The following ARB2A variants were observed in gnomAD, a reference collection of about 807,000 sequenced individuals.
ARB2A encodes the protein ARB2 cotranscriptional regulator A.
chr5:94,048,930 A>C, the ARB2A span, among the ~76,000 whole-genome samples: 1 of 152,206 alleles, frequency 6.6e-6, no homozygotes, highest in Admixed American at 6.5e-5. Flanking sequence ...GCAGGAGATC[A>C]AAGAATTGTC....
At chr5:93,894,022 C>T in the ARB2A span, among the ~76,000 whole-genome samples, 1 of 152,130 alleles carries the variant, frequency 6.6e-6, no homozygotes, top group Non-Finnish European at 1.5e-5. Context: ...TAGACAAACA[C>T]TTAATAGTAT....
chr5:94,048,952 G>T, the ARB2A span, among the ~76,000 whole-genome samples: 1 of 152,070 alleles, frequency 6.6e-6, no homozygotes, highest in Non-Finnish European at 1.5e-5. Context: ...CCCAGGAAAT[G>T]ATATATTCTT....
At chr5:93,786,936 T>C in the ARB2A span, among the ~76,000 whole-genome samples, 1 of 152,096 alleles carries the variant, frequency 6.6e-6, no homozygotes, top group Admixed American at 6.6e-5. Context: ...TTCTATAATA[T>C]GGTCTATAAC....
At chr5:93,798,781 C>T in the ARB2A span, among the ~76,000 whole-genome samples, 1 of 152,130 alleles carries the variant, frequency 6.6e-6, no homozygotes, top group East Asian at 1.9e-4. Context: ...CTCTATGCTA[C>T]AGTGCACTAC....
At chr5:93,706,967 GATATGATCAT>G in the ARB2A span, among the ~76,000 whole-genome samples, 2 of 151,934 alleles carry the variant, frequency 1.3e-5, no homozygotes, top group African/African-American at 2.4e-5. Flanking sequence ...TTAAACACTG[GATATGATCAT>G]AAGAGCTCTT....
At chr5:94,035,196 C>CATACATATAGAT in the ARB2A span, among the ~76,000 whole-genome samples, 1 of 129,630 alleles carries the variant, frequency 7.7e-6, no homozygotes, top group Non-Finnish European at 1.6e-5. Flanking sequence ...GGATCTTATA[C>CATACATATAGAT]ATACATATAC....
At chr5:94,098,537 C>T in the ARB2A span, among the ~76,000 whole-genome samples, 22 of 152,152 alleles carry the variant, frequency 1.4e-4, no homozygotes, top group East Asian at 4.1e-3. Context: ...AAACTAGAAA[C>T]ATCCCAAATT....
At chr5:93,631,047 G>C in the ARB2A span, among the ~76,000 whole-genome samples, 2 of 151,948 alleles carry the variant, frequency 1.3e-5, no homozygotes, top group East Asian at 3.9e-4. Context: ...CGTGCACCTG[G>C]CTAATTTTTC....
At chr5:93,629,416 G>A in the ARB2A span, among the ~76,000 whole-genome samples, 16 of 151,854 alleles carry the variant, frequency 1.1e-4, 1 homozygote, top group East Asian at 2.9e-3. Context: ...TTTTTGAAAG[G>A]GCGGTAACAG....
chr5:93,957,635 T>G, the ARB2A span, among the ~76,000 whole-genome samples: 1 of 151,874 alleles, frequency 6.6e-6, no homozygotes, highest in Middle Eastern at 3.4e-3. Flanking sequence ...CCACAAAAAG[T>G]GGGAAAAAAA....
chr5:93,780,935 C>G, the ARB2A span, among the ~76,000 whole-genome samples: 5 of 151,908 alleles, frequency 3.3e-5, no homozygotes, highest in Non-Finnish European at 5.9e-5. Context: ...ATTACTTAAC[C>G]TTTGTTCTGT....
the ARB2A span, among the ~76,000 whole-genome samples, chr5:93,877,322 T>G: frequency 6.6e-6 from 1 of 152,186 alleles, no homozygotes; most frequent in Non-Finnish European, 1.5e-5. Context: ...TAACTGACCT[T>G]CCTTGATTTA....
the ARB2A span, among the ~76,000 whole-genome samples, chr5:93,727,213 A>T: frequency 6.6e-6 from 1 of 152,110 alleles, no homozygotes; most frequent in African/African-American, 2.4e-5. Flanking sequence ...CAATGTATTC[A>T]TAAACAACTG....
the ARB2A span, among the ~76,000 whole-genome samples, chr5:93,896,769 T>C: frequency 6.6e-6 from 1 of 152,046 alleles, no homozygotes; most frequent in African/African-American, 2.4e-5. Flanking sequence ...TGGTTCCCAA[T>C]ACAAAATGAC....
At chr5:93,854,010 T>A in the ARB2A span, among the ~76,000 whole-genome samples, 66 of 152,194 alleles carry the variant, frequency 4.3e-4, no homozygotes, top group African/African-American at 1.6e-3. Context: ...TTCTATTGAT[T>A]GGAGTAGTTT....
the ARB2A span, among the ~76,000 whole-genome samples, chr5:93,825,819 T>C: frequency 6.6e-6 from 1 of 151,802 alleles, no homozygotes; most frequent in Non-Finnish European, 1.5e-5. Flanking sequence ...CATAGTTAGA[T>C]GTGAAAATAT....
At chr5:93,647,568 G>A in the ARB2A span, among the ~76,000 whole-genome samples, 9 of 152,058 alleles carry the variant, frequency 5.9e-5, no homozygotes, top group East Asian at 5.8e-4. Flanking sequence ...ATGAAGTCTC[G>A]CTCTGTCACC....
chr5:94,011,738 T>C, the ARB2A span, among the ~76,000 whole-genome samples: 3 of 151,810 alleles, frequency 2.0e-5, no homozygotes, highest in African/African-American at 7.3e-5. Context: ...TGTGAGGCAC[T>C]GAATAAAATA....
the ARB2A span, among the ~76,000 whole-genome samples, chr5:93,971,018 A>C: frequency 1.4e-4 from 21 of 151,620 alleles, no homozygotes; most frequent in South Asian, 6.4e-4. Context: ...TTTTAATTTG[A>C]GATGGAGTCT....
Sources: gnomAD v4.1 joint callset for allele counts (sites outside exome capture counted in the v4.1 genomes callset) on GRCh38, gnomAD v4.1.1 for gene constraint, MANE v1.5 for transcripts, NCBI Gene and HGNC (gene_info 2026-07-23, HGNC 2026-07-21) for gene names.